CC2D2A: variants seen among roughly 807,000 people sequenced by gnomAD.
The protein encoded by CC2D2A is coiled-coil and C2 domain-containing protein 2A.
In CC2D2A, 155 loss-of-function variants were observed where a neutral mutation model predicts 212.9. The ratio of observed to expected loss-of-function variants is 0.73; its 90% CI spans 0.64 to 0.83. CC2D2A has a LOEUF of 0.83. Ranked by LOEUF, CC2D2A falls within the 40% of genes least tolerant of loss-of-function variation. The pLI, the probability that CC2D2A is intolerant of heterozygous loss-of-function variation, is 0.00. For missense variants in CC2D2A, 1,856 were observed against 1,956.2 expected (o/e 0.95, Z 0.97); for synonymous variants, 667 against 686.5 (o/e 0.97, Z 0.44).
intron 14 of CC2D2A, among the ~76,000 whole-genome samples, chr4:15,535,501 A>G (rs1718080234): frequency 6.6e-6 from 1 of 151,904 alleles, no homozygotes; most frequent in Admixed American, 6.6e-5. Flanking sequence ...TCATCTAGCC[A>G]CCTTATAATA....
chr4:15,570,825 T>G (rs1418933170), intron 28 of CC2D2A, among the ~76,000 whole-genome samples: 3 of 151,962 alleles, frequency 2.0e-5, no homozygotes, highest in Admixed American at 1.3e-4. Context: ...GAGGCAGAGG[T>G]TGCAGTGAGC....
At chr4:15,510,596 T>C (rs1716517612) in intron 7 of CC2D2A, among the ~76,000 whole-genome samples, 1 of 152,116 alleles carries the variant, frequency 6.6e-6, no homozygotes, top group Admixed American at 6.6e-5. Context: ...ACCTCATCTC[T>C]TAATTAAAAA....
chr4:15,484,508 G>C (rs1216458025), intron 4 of CC2D2A, among the ~76,000 whole-genome samples: 1 of 152,162 alleles, frequency 6.6e-6, no homozygotes, highest in Non-Finnish European at 1.5e-5. Context: ...CAGAAGCACA[G>C]AGACCAGGTA....
chr4:15,579,055 C>T (rs2109082449), intron 29 of CC2D2A, among the ~76,000 whole-genome samples: 1 of 152,216 alleles, frequency 6.6e-6, no homozygotes, highest in Middle Eastern at 3.4e-3. Context: ...TAAAGACCCA[C>T]TCTTTTTCAT....
At chr4:15,559,323 C>T (rs1371855527) in intron 22 of CC2D2A, 66 bp downstream of exon 22, 4 of 1,014,666 alleles carry the variant, frequency 3.9e-6, no homozygotes, top group Non-Finnish European at 5.9e-6. Flanking sequence ...GGTGGAAAGT[C>T]CTCTACTCTT....
chr4:15,516,987 G>A (rs1455211599), intron 11 of CC2D2A, among the ~76,000 whole-genome samples: 2 of 118,250 alleles, frequency 1.7e-5, no homozygotes, highest in African/African-American at 6.5e-5. Context: ...TCTCGCTGTC[G>A]CCCAGGTTGG....
chr4:15,597,328 A>ATTTT (rs1469551370), intron 34 of CC2D2A, 79 bp from the exon 35 acceptor site: 14 of 1,030,310 alleles, frequency 1.4e-5, no homozygotes, highest in Non-Finnish European at 2.1e-5. Flanking sequence ...GATTTCATTG[A>ATTTT]TTTTTAAGAT....
At position 15,536,900 on chromosome 4, in the gene CC2D2A, G is replaced by T; in HGVS notation, c.1608-20G>T. 1 of 1,609,080 alleles carries T rather than the reference G, an allele frequency of 6.2e-7. No homozygotes were observed. The highest frequency in any genetic ancestry group is 1.1e-5 in the South Asian group (1 of 90,226). ...ACTTAATTTCCAGAAATAACCAAGG[G>T]ACTACAAATTATTTTAAAGGGAAAA... On this transcript the variant is annotated intron_variant, in intron 14 of 36. Coordinates refer to ENST00000424120, the MANE Select transcript of CC2D2A (RefSeq NM_001378615.1).
intron 20 of CC2D2A, 63 bp from the exon 21 acceptor site, chr4:15,557,241 G>A: frequency 8.8e-7 from 1 of 1,131,470 alleles, no homozygotes; most frequent in Non-Finnish European, 1.3e-6. Flanking sequence ...GACACTCAGT[G>A]CCAAGTTTCT....
intron 33 of CC2D2A, 101 bp from the exon 34 acceptor site, chr4:15,595,984 C>T: frequency 1.3e-6 from 1 of 741,370 alleles, no homozygotes; most frequent in Non-Finnish European, 2.0e-6. Context: ...TGAACACTTG[C>T]TGTCTCTCTG....
chr4:15,561,711 C>T (rs905866361), intron 23 of CC2D2A: 1 of 152,190 alleles, frequency 6.6e-6, no homozygotes, highest in Non-Finnish European at 1.5e-5. Context: ...ATGGAGACAT[C>T]AAAGTCTCAG....
intron 29 of CC2D2A, 44 bp downstream of exon 29, chr4:15,574,370 C>T (rs1164195625): frequency 1.4e-6 from 2 of 1,427,576 alleles, no homozygotes; most frequent in Non-Finnish European, 1.9e-6. Context: ...GTTGATAAAA[C>T]ACAAGAAATG....
At chr4:15,599,459 C>A in intron 35 of CC2D2A, 70 bp from the exon 36 acceptor site, 1 of 997,770 alleles carries the variant, frequency 1.0e-6, no homozygotes. Flanking sequence ...ATCCCCACTA[C>A]ATACTACATA....
intron 17 of CC2D2A, among the ~76,000 whole-genome samples, chr4:15,549,188 G>A (rs1718867365): frequency 1.3e-5 from 2 of 151,974 alleles, no homozygotes; most frequent in Admixed American, 1.3e-4. Flanking sequence ...ACAGGTCTGT[G>A]GCATATTATT....
At chr4:15,504,353 T>G (rs1716137520) in intron 6 of CC2D2A, among the ~76,000 whole-genome samples, 1 of 152,134 alleles carries the variant, frequency 6.6e-6, no homozygotes, top group African/African-American at 2.4e-5. Context: ...TTTATTTTCT[T>G]ACTACAAAAG....
At position 15,587,805 on chromosome 4, in the gene CC2D2A, C is replaced by CT; in HGVS notation, c.4066-6dup. 1 of 1,510,330 alleles carries CT rather than the reference C, an allele frequency of 6.6e-7. No individual in the cohort carries two copies. The highest frequency in any genetic ancestry group is 1.4e-5 in the African/African-American group (1 of 72,436). 93.6% of individuals were successfully genotyped at this position (1,510,330 alleles called of 1,614,324 possible). ...GAGTCATACAACATAATTTTTTTTT[C>CT]TTTTTGTCAGCAATTTCTTGATCTC... On this transcript the variant is annotated splice_polypyrimidine_tract_variant and intron_variant, in intron 31 of 36. Transcript: ENST00000424120.
At chr4:15,558,071 G>A (rs896531568) in intron 21 of CC2D2A, among the ~76,000 whole-genome samples, 16 of 152,318 alleles carry the variant, frequency 1.1e-4, no homozygotes, top group African/African-American at 3.8e-4. Flanking sequence ...CTCCAGGTGT[G>A]GGGTGGAGGA....
At chr4:15,570,546 A>AT in intron 28 of CC2D2A, 50 bp downstream of exon 28, 3 of 1,316,194 alleles carry the variant, frequency 2.3e-6, no homozygotes, top group Non-Finnish European at 3.2e-6. Flanking sequence ...TTCTCTATCC[A>AT]TTTTTCCTAT....
chr4:15,511,492 A>G, intron 8 of CC2D2A, 69 bp downstream of exon 8: 1 of 1,381,160 alleles, frequency 7.2e-7, no homozygotes, highest in Non-Finnish European at 9.5e-7. Context: ...TGTCCCTGCA[A>G]GAAAGAAAGT....
Sources: gnomAD v4.1 joint callset for allele counts (sites outside exome capture counted in the v4.1 genomes callset) on GRCh38, gnomAD v4.1.1 for gene constraint, MANE v1.5 for transcripts, NCBI Gene and HGNC (gene_info 2026-07-23, HGNC 2026-07-21) for gene names.